Variants in MTX2 observed in about 807,000 individuals in gnomAD.
MTX2 encodes the protein metaxin-2.
MTX2 carries 35 observed loss-of-function variants against 42.3 expected under a neutral mutation model. The ratio of observed to expected loss-of-function variants is 0.83; its 90% confidence interval spans 0.63 to 1.10. The LOEUF (loss-of-function observed/expected upper bound fraction) is 1.10. MTX2 is among the 50% of genes least tolerant of loss of function. The pLI, the probability that MTX2 is intolerant of heterozygous loss-of-function variation, is 0.00. For synonymous variants in MTX2, 119 were observed against 100.9 expected, an observed-to-expected ratio of 1.18 and a Z score of -1.08; for missense variants, 307 against 304.1, an observed-to-expected ratio of 1.01 and a Z score of -0.07.
intron 1 of MTX2, among the ~76,000 whole-genome samples, chr2:176,271,194 A>G (rs945307972): frequency 1.3e-5 from 2 of 152,224 alleles, no homozygotes; most frequent in Non-Finnish European, 2.9e-5. Flanking sequence ...AAAATGGATA[A>G]TTCAATAAAT....
At chr2:176,298,229 T>G (rs1365410528) in intron 3 of MTX2, among the ~76,000 whole-genome samples, 1 of 152,124 alleles carries the variant, frequency 6.6e-6, no homozygotes, top group African/African-American at 2.4e-5. Context: ...ATATGTTCAT[T>G]TGTGGACTCA....
intron 1 of MTX2, among the ~76,000 whole-genome samples, chr2:176,296,557 T>TTG (rs1683889310): frequency 6.6e-6 from 1 of 152,162 alleles, no homozygotes; most frequent in African/African-American, 2.4e-5. Context: ...GCTAAAGGAA[T>TTG]TGTAGCATAT....
chr2:176,327,084 T>C (rs1684726200), intron 5 of MTX2, among the ~76,000 whole-genome samples, 183 bp downstream of exon 5: 1 of 119,766 alleles, frequency 8.3e-6, no homozygotes, highest in Admixed American at 1.0e-4. Flanking sequence ...AGGTAGCTTT[T>C]TTTCCTCTAT....
At chr2:176,291,595 G>A (rs1302236050) in intron 1 of MTX2, among the ~76,000 whole-genome samples, 2 of 152,084 alleles carry the variant, frequency 1.3e-5, no homozygotes, top group African/African-American at 2.4e-5. Flanking sequence ...AAACTTCCCT[G>A]TGGATAGAAC....
chr2:176,321,839 G>A (rs1684590271), intron 3 of MTX2, among the ~76,000 whole-genome samples: 2 of 152,080 alleles, frequency 1.3e-5, no homozygotes. Flanking sequence ...GAGAACATAT[G>A]TGGCAGGGAT....
At chr2:176,309,574 T>C (rs1475971352) in intron 3 of MTX2, among the ~76,000 whole-genome samples, 1 of 152,158 alleles carries the variant, frequency 6.6e-6, no homozygotes, top group South Asian at 2.1e-4. Context: ...ATCTGGGTGC[T>C]CTTGTATTGG....
chr2:176,282,368 A>AG (rs1193124755), intron 1 of MTX2, among the ~76,000 whole-genome samples: 1 of 151,976 alleles, frequency 6.6e-6, no homozygotes, highest in Admixed American at 6.6e-5. Flanking sequence ...ATCTGCACAG[A>AG]GGCATCTAGT....
At chr2:176,296,410 T>C (rs1683883501) in intron 1 of MTX2, among the ~76,000 whole-genome samples, 1 of 152,150 alleles carries the variant, frequency 6.6e-6, no homozygotes, top group South Asian at 2.1e-4. Flanking sequence ...CAATGTCTGC[T>C]TGAAATTTTA....
At chr2:176,300,943 C>T (rs781643238) in intron 3 of MTX2, among the ~76,000 whole-genome samples, 5 of 152,020 alleles carry the variant, frequency 3.3e-5, no homozygotes, top group African/African-American at 9.7e-5. Context: ...AAGAAATACA[C>T]GTATTCAATG....
At chr2:176,296,015 T>C (rs1683867318) in intron 1 of MTX2, among the ~76,000 whole-genome samples, 1 of 152,180 alleles carries the variant, frequency 6.6e-6, no homozygotes, top group Admixed American at 6.6e-5. Context: ...GCAAGTGATA[T>C]CCTGATATCC....
chr2:176,327,595 C>A (rs1684740277), intron 5 of MTX2, among the ~76,000 whole-genome samples: 1 of 147,436 alleles, frequency 6.8e-6, no homozygotes, highest in South Asian at 2.1e-4. Context: ...TTCTTCAACA[C>A]CCTCCCCCTG....
chr2:176,310,345 T>C (rs1684273373), intron 3 of MTX2, among the ~76,000 whole-genome samples: 1 of 152,190 alleles, frequency 6.6e-6, no homozygotes, highest in South Asian at 2.1e-4. Context: ...ATCTTTTCCT[T>C]CATTTCAAGT....
rs372289813 is a variant in MTX2 at position 176,330,586 on chromosome 2, C to G, written c.546C>G (p.Val182=). 1.9e-6 allele frequency: 3 copies of G among 1,572,686 alleles called. No individual in the cohort carries two copies. The highest frequency in any genetic ancestry group is 1.2e-5 in the South Asian group (1 of 83,764). Residue 182 remains valine, a splice_region_variant and synonymous_variant, in exon 9 of 10, where the codon GTC becomes GTG. Transcript: ENST00000249442. ...IGWGKKTLDQ[V]LEDVDQCCQA... The stretch of plus-strand genomic sequence containing the variant: ...TTGGGGTTCATTGCCTGTGTTAGGT[C>G]TTAGAGGATGTAGACCAGTGCTGTC...
At chr2:176,298,916 A>G (rs1250993872) in intron 3 of MTX2, among the ~76,000 whole-genome samples, 1 of 152,144 alleles carries the variant, frequency 6.6e-6, no homozygotes, top group Non-Finnish European at 1.5e-5. Context: ...AAATATAGCC[A>G]GGCTATTCTG....
At chr2:176,287,336 A>G (rs1693229022) in intron 1 of MTX2, among the ~76,000 whole-genome samples, 1 of 152,196 alleles carries the variant, frequency 6.6e-6, no homozygotes, top group Non-Finnish European at 1.5e-5. Context: ...ATAATTTACT[A>G]TACATATTTA....
intron 1 of MTX2, among the ~76,000 whole-genome samples, chr2:176,272,514 T>A (rs902718932): frequency 6.6e-6 from 1 of 152,198 alleles, no homozygotes; most frequent in African/African-American, 2.4e-5. Flanking sequence ...AAATATCACG[T>A]TGTACCTCCT....
chr2:176,304,842 G>A (rs1252979606), intron 3 of MTX2, among the ~76,000 whole-genome samples: 1 of 152,000 alleles, frequency 6.6e-6, no homozygotes, highest in Non-Finnish European at 1.5e-5. Flanking sequence ...CCTGAGGTCT[G>A]CTGTCTAAGG....
At chr2:176,286,853 C>G (rs71421561) in intron 1 of MTX2, among the ~76,000 whole-genome samples, 1 of 152,112 alleles carries the variant, frequency 6.6e-6, no homozygotes, top group East Asian at 1.9e-4. Context: ...CCGACCCACT[C>G]TGGGTCATTT....
chr2:176,304,226 C>T, intron 3 of MTX2: 1 of 154,424 alleles, frequency 6.5e-6, no homozygotes, highest in African/African-American at 2.4e-5. Context: ...CTTCAAACCC[C>T]TTCTGTGCTT....
Sources: gnomAD v4.1 joint callset for allele counts (sites outside exome capture counted in the v4.1 genomes callset) on GRCh38, gnomAD v4.1.1 for gene constraint, MANE v1.5 for transcripts, NCBI Gene and HGNC (gene_info 2026-07-23, HGNC 2026-07-21) for gene names.